CLASP2: variants seen among roughly 807,000 people sequenced by gnomAD.
The protein encoded by CLASP2 is CLIP-associating protein 2.
In CLASP2, 47 loss-of-function variants were observed where a neutral mutation model predicts 194.4. That is an observed-to-expected ratio of 0.24 (90% CI 0.19 to 0.31). The LOEUF is 0.31. Among genes scored for constraint, CLASP2 ranks in the 10% least tolerant of loss-of-function variants. CLASP2 has a pLI of 1.00. For synonymous variants in CLASP2, 619 were observed against 633.5 expected, an observed-to-expected ratio of 0.98 and a Z score of 0.34; for missense variants, 1,445 against 1,823.6, an observed-to-expected ratio of 0.79 and a Z score of 3.78.
At chr3:33,701,417 G>A (rs560087936) in intron 1 of CLASP2, among the ~76,000 whole-genome samples, 18 of 152,318 alleles carry the variant, frequency 1.2e-4, no homozygotes, top group East Asian at 1.9e-4. Flanking sequence ...GCAACATAGC[G>A]AGAACCTGTC....
chr3:33,532,248 C>T (rs924815901), intron 34 of CLASP2, among the ~76,000 whole-genome samples: 10 of 152,078 alleles, frequency 6.6e-5, no homozygotes, highest in Non-Finnish European at 7.3e-5. Context: ...GAGGATACCA[C>T]GCTAAATGAA....
intron 13 of CLASP2, among the ~76,000 whole-genome samples, chr3:33,611,766 C>G (rs1368326868): frequency 6.6e-6 from 1 of 152,114 alleles, no homozygotes; most frequent in Admixed American, 6.6e-5. Context: ...AGGCAACCAG[C>G]AGCCCAAATA....
intron 12 of CLASP2, among the ~76,000 whole-genome samples, chr3:33,619,222 C>T (rs901083619): frequency 6.6e-6 from 1 of 152,084 alleles, no homozygotes; most frequent in Admixed American, 6.5e-5. Flanking sequence ...ATATGCAGCC[C>T]ACCATTGACG....
intron 33 of CLASP2, among the ~76,000 whole-genome samples, chr3:33,536,527 T>A (rs976616601): frequency 1.3e-5 from 2 of 152,098 alleles, no homozygotes; most frequent in Admixed American, 1.3e-4. Context: ...GAGGCCAGTG[T>A]GGCAGGAGCA....
intron 15 of CLASP2, 63 bp from the exon 16 acceptor site, chr3:33,606,821 C>T (rs915922725): frequency 2.3e-5 from 28 of 1,199,146 alleles, no homozygotes; most frequent in African/African-American, 4.6e-5. Flanking sequence ...TTAACAGTAA[C>T]GTGTACGTTC....
intron 7 of CLASP2, among the ~76,000 whole-genome samples, chr3:33,657,434 C>CA (rs2084459120): frequency 6.6e-6 from 1 of 151,840 alleles, no homozygotes; most frequent in African/African-American, 2.4e-5. Flanking sequence ...ATATATTCCT[C>CA]AACAGTCCAA....
chr3:33,708,499 T>C (rs1483600605), intron 1 of CLASP2, among the ~76,000 whole-genome samples: 8 of 81,440 alleles, frequency 9.8e-5, no homozygotes, highest in Admixed American at 5.2e-4. Flanking sequence ...TGTATATATA[T>C]ATATATGTAT....
At chr3:33,554,537 A>T (rs2060592353) in intron 29 of CLASP2, 1 of 152,272 alleles carries the variant, frequency 6.6e-6, no homozygotes, top group African/African-American at 2.4e-5. Context: ...GGCACATTTC[A>T]GTTAGACAGG....
chr3:33,674,356 A>C (rs9876930), intron 6 of CLASP2, among the ~76,000 whole-genome samples: 52,005 of 151,394 alleles, frequency 0.34, 9,474 homozygotes, highest in Admixed American at 0.46. Context: ...GGGTACATAA[A>C]GAAATGAAGG....
intron 20 of CLASP2, 72 bp from the exon 21 acceptor site, chr3:33,592,568 C>T: frequency 7.9e-7 from 1 of 1,263,702 alleles, no homozygotes; most frequent in Non-Finnish European, 1.1e-6. Flanking sequence ...AGGAGAAAAT[C>T]TCACTATTTT....
At chr3:33,620,938 T>C (rs867732598) in intron 11 of CLASP2, among the ~76,000 whole-genome samples, 4 of 152,024 alleles carry the variant, frequency 2.6e-5, no homozygotes, top group Non-Finnish European at 5.9e-5. Flanking sequence ...ACCTTTTACA[T>C]GGGCAGGTTA....
intron 7 of CLASP2, among the ~76,000 whole-genome samples, chr3:33,654,168 T>C (rs116381806): frequency 0.012 from 1,815 of 152,280 alleles, 42 homozygotes; most frequent in African/African-American, 0.042. Context: ...GAAGTGACTA[T>C]TTCTAAGCCA....
intron 1 of CLASP2, among the ~76,000 whole-genome samples, chr3:33,702,988 T>C: frequency 6.6e-6 from 1 of 152,126 alleles, no homozygotes; most frequent in East Asian, 1.9e-4. Context: ...TAAAACTAAA[T>C]GTAAAATATA....
chr3:33,520,124 G>A (rs1007467054), intron 34 of CLASP2, among the ~76,000 whole-genome samples: 1 of 151,892 alleles, frequency 6.6e-6, no homozygotes, highest in African/African-American at 2.4e-5. Context: ...AGCCATTCTC[G>A]TGCCTCAGCC....
intron 6 of CLASP2, among the ~76,000 whole-genome samples, chr3:33,678,400 A>G (rs141293906): frequency 5.0e-4 from 76 of 152,296 alleles, no homozygotes; most frequent in Non-Finnish European, 9.7e-4. Flanking sequence ...CTGCCTATAG[A>G]GGAGCAAAGA....
At chr3:33,531,675 T>C (rs144205951) in intron 34 of CLASP2, among the ~76,000 whole-genome samples, 1,899 of 152,270 alleles carry the variant, frequency 0.012, 39 homozygotes, top group African/African-American at 0.041. Context: ...CTCAGCAGGC[T>C]GAGGCAGGAG....
intron 6 of CLASP2, among the ~76,000 whole-genome samples, chr3:33,679,276 G>A (rs1414234513): frequency 6.6e-6 from 1 of 152,144 alleles, no homozygotes; most frequent in Admixed American, 6.5e-5. Context: ...GCAAAACTAT[G>A]AAACTATTAG....
At chr3:33,649,672 A>T (rs2082859080) in intron 7 of CLASP2, among the ~76,000 whole-genome samples, 1 of 152,194 alleles carries the variant, frequency 6.6e-6, no homozygotes, top group Non-Finnish European at 1.5e-5. Flanking sequence ...CCCACATTAG[A>T]TGCAGTCTAA....
intron 6 of CLASP2, among the ~76,000 whole-genome samples, chr3:33,678,843 C>T (rs2089304186): frequency 6.6e-6 from 1 of 152,168 alleles, no homozygotes; most frequent in Non-Finnish European, 1.5e-5. Context: ...TCAGTTCTTC[C>T]CAACTTGATC....
Sources: allele counts gnomAD v4.1 joint callset (sites outside exome capture counted in the v4.1 genomes callset), GRCh38; gene constraint gnomAD v4.1.1; transcripts MANE v1.5; gene names NCBI Gene and HGNC (gene_info 2026-07-23, HGNC 2026-07-21).